Variants in TRMT11 observed in about 807,000 individuals in gnomAD.
TRMT11 encodes the protein tRNA methyltransferase 11, also known as tRNA (guanine(10)-N(2))-methyltransferase TRMT11.
Under a neutral mutation model 62.8 loss-of-function variants are expected in TRMT11, and 53 were observed. That is an observed-to-expected ratio of 0.84 (90% CI 0.68 to 1.06). The LOEUF (loss-of-function observed/expected upper bound fraction) is 1.06, where lower values mean the gene tolerates loss of function less well. Ranked by LOEUF, TRMT11 falls within the 50% of genes least tolerant of loss-of-function variation. The probability of loss-of-function intolerance (pLI) is 0.00; values close to 1 mark genes in which losing one functional copy is unlikely to be tolerated. For missense variants in TRMT11, 556 were observed against 553.4 expected, an observed-to-expected ratio of 1.00 and a Z score of -0.05; for synonymous variants, 188 against 190.3, an observed-to-expected ratio of 0.99 and a Z score of 0.10.
chr6:126,229,610 C>T, the TRMT11 span, among the ~76,000 whole-genome samples: 1 of 152,194 alleles, frequency 6.6e-6, no homozygotes, highest in African/African-American at 2.4e-5. Flanking sequence ...TTTTCCTGAT[C>T]ATTTTCTACC....
At chr6:126,256,969 T>A in the TRMT11 span, among the ~76,000 whole-genome samples, 3 of 152,032 alleles carry the variant, frequency 2.0e-5, no homozygotes, top group Non-Finnish European at 4.4e-5. Flanking sequence ...CACTGCAACC[T>A]CCACCTCCCA....
intron 17 of TRMT11, among the ~76,000 whole-genome samples, chr6:126,064,905 G>GATC (rs1776642907): frequency 6.6e-6 from 1 of 152,196 alleles, no homozygotes; most frequent in Non-Finnish European, 1.5e-5. Flanking sequence ...ACCTTCTGGT[G>GATC]TGGAGCAAGG....
chr6:126,090,558 C>T (rs560837498), intron 17 of TRMT11, among the ~76,000 whole-genome samples: 1 of 152,172 alleles, frequency 6.6e-6, no homozygotes, highest in East Asian at 1.9e-4. Context: ...ATTTACAGTG[C>T]CATTGGTAGC....
rs369848974 is a variant in TRMT11, at chr6:125,986,638, C to T, written c.72+16C>T. ...CCGCCTGCCGGTGAGTCCGTAGCGC[C>T]CTCCGGAACTTCCGACGGAAGAGGA... On this transcript the variant is annotated intron_variant, in intron 1 of 12. Transcript: ENST00000334379. 76 of 1,572,246 alleles carry T rather than the reference C, an allele frequency of 4.8e-5. No individual in the cohort carries two copies. In the African/African-American group the frequency reaches 8.7e-4, roughly 18 times the overall value.
intron 21 of TRMT11, among the ~76,000 whole-genome samples, chr6:126,138,774 T>G (rs574958929): frequency 6.6e-6 from 1 of 152,214 alleles, no homozygotes; most frequent in South Asian, 2.1e-4. Context: ...AGTTATAATC[T>G]TGAATGATAA....
intron 17 of TRMT11, among the ~76,000 whole-genome samples, chr6:126,089,826 C>A (rs1369406291): frequency 6.6e-6 from 1 of 152,200 alleles, no homozygotes; most frequent in Non-Finnish European, 1.5e-5. Flanking sequence ...ACAGAAAATT[C>A]ATGGGATTTT....
At chr6:125,997,521 C>G (rs1791722446) in intron 3 of TRMT11, among the ~76,000 whole-genome samples, 1 of 152,252 alleles carries the variant, frequency 6.6e-6, no homozygotes. Context: ...TGCGCACGCA[C>G]ATGCATGACA....
chr6:126,259,583 A>G, the TRMT11 span, among the ~76,000 whole-genome samples: 4 of 152,150 alleles, frequency 2.6e-5, no homozygotes, highest in African/African-American at 4.8e-5. Flanking sequence ...GCTGCAATGA[A>G]CGTATGTGTG....
In TRMT11 at chr6:126,065,198, G is replaced by A. The variant is rs78455704; in HGVS notation, c.*1437+12008G>A. On this transcript the variant is annotated intron_variant and NMD_transcript_variant, in intron 17 of 22. Transcript: ENST00000648977. ...TATTGTTAGGTATATAGTTCAACAAGTCTACCTACTAAAAAGGGAATATGT... is the reference window on the plus strand; with the variant it reads ...TATTGTTAGGTATATAGTTCAACAAATCTACCTACTAAAAAGGGAATATGT... 3.4e-3 allele frequency among the ~76,000 whole-genome samples: 524 copies of A among 152,248 alleles called. 4 individuals are homozygous for A. Among genetic ancestry groups the A allele is most frequent in the Non-Finnish European group, 4.4e-3 (302 of 68,022 alleles).
the TRMT11 span, among the ~76,000 whole-genome samples, chr6:126,237,666 G>T: frequency 2.6e-5 from 4 of 152,098 alleles, no homozygotes; most frequent in Non-Finnish European, 5.9e-5. Flanking sequence ...GGGTGACAGG[G>T]TGAGACCGGG....
intron 1 of TRMT11, among the ~76,000 whole-genome samples, chr6:126,191,367 TACAA>T (rs988531641): frequency 6.6e-6 from 1 of 152,030 alleles, no homozygotes; most frequent in Non-Finnish European, 1.5e-5. Context: ...ATAGCTAGCT[TACAA>T]ACATTTTCTC....
At chr6:126,168,783 C>T (rs988844995) in intron 21 of TRMT11, among the ~76,000 whole-genome samples, 37 of 152,286 alleles carry the variant, frequency 2.4e-4, no homozygotes, top group African/African-American at 8.2e-4. Flanking sequence ...TCCCAAAGTG[C>T]TGGGATTACA....
the TRMT11 span, among the ~76,000 whole-genome samples, chr6:126,211,476 A>G: frequency 3.2e-4 from 49 of 152,144 alleles, no homozygotes; most frequent in African/African-American, 9.9e-4. Flanking sequence ...GACTCTGTCA[A>G]TAGCCTCTTG....
At chr6:126,071,691 ACT>A (rs1488326703) in intron 17 of TRMT11, among the ~76,000 whole-genome samples, 2 of 150,814 alleles carry the variant, frequency 1.3e-5, no homozygotes, top group Non-Finnish European at 3.0e-5. Context: ...GCTAAAGTGA[ACT>A]CTTCCAAGAA....
At chr6:126,252,558 A>G in the TRMT11 span, among the ~76,000 whole-genome samples, 1 of 152,204 alleles carries the variant, frequency 6.6e-6, no homozygotes, top group Non-Finnish European at 1.5e-5. Flanking sequence ...ACCCCTTCTC[A>G]ATGAGAAGAG....
chr6:126,119,498 A>C (rs1583880529), intron 21 of TRMT11, among the ~76,000 whole-genome samples: 1 of 144,520 alleles, frequency 6.9e-6, no homozygotes, highest in Admixed American at 6.8e-5. Flanking sequence ...AAAAAAAAAA[A>C]GACTAAGACA....
chr6:126,140,882 C>T (rs1777909232), intron 21 of TRMT11, among the ~76,000 whole-genome samples: 1 of 152,032 alleles, frequency 6.6e-6, no homozygotes, highest in Non-Finnish European at 1.5e-5. Flanking sequence ...TTCATAATGA[C>T]ACCTTCGATT....
chr6:126,204,301 T>G (rs985694212), downstream of TRMT11, among the ~76,000 whole-genome samples: 4 of 152,180 alleles, frequency 2.6e-5, no homozygotes, highest in South Asian at 8.3e-4. Flanking sequence ...CAGCTGTTAT[T>G]GTATATAGGT....
At chr6:126,190,537 T>A (rs1300725370) in intron 1 of TRMT11, among the ~76,000 whole-genome samples, 5 of 152,106 alleles carry the variant, frequency 3.3e-5, no homozygotes, top group Non-Finnish European at 7.4e-5. Context: ...CAATTAAACC[T>A]CCTTCCTTTA....
Sources: allele counts gnomAD v4.1 joint callset (sites outside exome capture counted in the v4.1 genomes callset), GRCh38; gene constraint gnomAD v4.1.1; transcripts MANE v1.5; gene names NCBI Gene and HGNC (gene_info 2026-07-23, HGNC 2026-07-21).